ATRIP: variants seen among roughly 807,000 people sequenced by gnomAD.
ATRIP encodes ATR-interacting protein.
In ATRIP, 44 loss-of-function variants were observed where a neutral mutation model predicts 78.1. The ratio of observed to expected loss-of-function variants is 0.56; its 90% CI spans 0.44 to 0.72. The LOEUF is 0.72. ATRIP is among the 30% of genes least tolerant of loss of function. The pLI, the probability that ATRIP is intolerant of heterozygous loss-of-function variation, is 0.00. For synonymous variants in ATRIP, 388 were observed against 408.9 expected (o/e 0.95, Z 0.62); for missense variants, 927 against 980.2 (o/e 0.95, Z 0.72).
At chr3:48,459,260 A>C in intron 5 of ATRIP, 99 bp from the exon 6 acceptor site, 1 of 984,070 alleles carries the variant, frequency 1.0e-6, no homozygotes, top group Admixed American at 2.1e-5. Flanking sequence ...AGTTCGAAGA[A>C]GTAGAACAGC....
In ATRIP at chr3:48,446,759, G is replaced by T. The variant is rs1478923109; in HGVS notation, c.-87G>T. ...GGCACTCGCGGCGGAGGCAAGCGGC[G>T]GCGCGCGGACGGTTGGTCCAGTTCT... On this transcript the variant is annotated 5_prime_UTR_variant, in exon 1 of 13. Coordinates refer to ENST00000320211, the MANE Select transcript of ATRIP (RefSeq NM_130384.3). 1.1e-5 allele frequency: 14 copies of T among 1,319,822 alleles called. No homozygotes were observed. Among genetic ancestry groups the T allele is most frequent in the Non-Finnish European group, 1.4e-5 (14 of 1,032,358 alleles). The allele number at this position is 1,319,822 out of a possible 1,614,324, so 81.8% of individuals were successfully genotyped here.
At chr3:48,459,152 C>T (rs973849024) in intron 5 of ATRIP, among the ~76,000 whole-genome samples, 1 of 152,298 alleles carries the variant, frequency 6.6e-6, no homozygotes, top group South Asian at 2.1e-4. Flanking sequence ...AGGCAAACAG[C>T]TTGATTTTCT....
rs979518675 is a variant in ATRIP at position 48,466,258 on chromosome 3, C to T, written c.*704C>T. 4.1e-5 allele frequency: 25 copies of T among 614,008 alleles called. No individual in the cohort carries two copies. Among genetic ancestry groups the T allele is most frequent in the African/African-American group, 1.3e-4 (7 of 54,530 alleles). The allele number at this position is 614,008 out of a possible 1,614,324, so 38.0% of individuals were successfully genotyped here. The stretch of plus-strand genomic sequence containing the variant: ...TCCCGCCACTGCTGCCAGCGAGAGC[C>T]GCGGGAGAGTGTGCAGCCGAGTCAC... On this transcript the variant is annotated 3_prime_UTR_variant, in exon 13 of 13. Transcript: ENST00000320211.
intron 10 of ATRIP, 138 bp from the exon 11 acceptor site, chr3:48,464,444 T>A (rs2040210321): frequency 3.0e-6 from 3 of 1,011,804 alleles, no homozygotes; most frequent in Middle Eastern, 2.1e-4. Context: ...CCTGGGAAGG[T>A]CCCACACCAC....
chr3:48,448,630 C>T (rs2039749834), intron 1 of ATRIP, among the ~76,000 whole-genome samples: 1 of 152,268 alleles, frequency 6.6e-6, no homozygotes. Context: ...TGAATTCTCT[C>T]TGCTTCTTTA....
In ATRIP at chr3:48,451,772, T is replaced by G. The variant is rs1204508412; in HGVS notation, c.425T>G (p.Ile142Ser). The G allele has an allele frequency of 6.2e-7, 1 of 1,606,452 alleles. No individual in the cohort carries two copies. Residue 142 changes from isoleucine to serine, a missense_variant, in exon 3 of 13, where the codon ATT (isoleucine) becomes AGT (serine). Transcript: ENST00000320211. ...EEEVLIKNGE[I>S]KILRDSLHQT... ...GAAGTTCTCATTAAGAATGGAGAAATTAAAATTTTGCGAGACTCACTACAT... is the reference window on the plus strand; with the variant it reads ...GAAGTTCTCATTAAGAATGGAGAAAGTAAAATTTTGCGAGACTCACTACAT...
At chr3:48,454,169 C>T (rs981634241) in intron 3 of ATRIP, 131 bp from the exon 4 acceptor site, 3 of 625,944 alleles carry the variant, frequency 4.8e-6, no homozygotes, top group African/African-American at 1.8e-5. Context: ...TATTTTAGGA[C>T]ATTTATGTCA....
chr3:48,452,496 A>G (rs2039858684), intron 3 of ATRIP, among the ~76,000 whole-genome samples: 1 of 152,116 alleles, frequency 6.6e-6, no homozygotes, highest in African/African-American at 2.4e-5. Flanking sequence ...AGCCTGGGCA[A>G]CTAGTGAGAC....
intron 8 of ATRIP, chr3:48,461,483 A>G (rs2040111273): frequency 6.6e-6 from 1 of 152,164 alleles, no homozygotes; most frequent in African/African-American, 2.4e-5. Context: ...CTGGCTGAAT[A>G]TATCTTAAAT....
At chr3:48,464,187 A>C in intron 10 of ATRIP, 55 bp downstream of exon 10, 6 of 1,405,520 alleles carry the variant, frequency 4.3e-6, no homozygotes, top group Non-Finnish European at 6.0e-6. Flanking sequence ...CTAAGAACCA[A>C]CAGAATCTCC....
At chr3:48,447,383 GA>G in intron 1 of ATRIP, 1 of 1,089,240 alleles carries the variant, frequency 9.2e-7, no homozygotes, top group Admixed American at 5.3e-5. Context: ...GAGATCCTTG[GA>G]ACACACCTAC....
chr3:48,467,524 C>T lies in ATRIP; in HGVS notation c.*1970C>T, dbSNP rs148833270. On this transcript the variant is annotated 3_prime_UTR_variant, in exon 13 of 13. Transcript: ENST00000320211. ...CTATCCAGGGAGGGGCTGCTGGCCC[C>T]ACTGGGTCTGCTGGCCATCCTGACC... The T allele has an allele frequency of 4.1e-5, 66 of 1,613,578 alleles. No homozygotes were observed. Among genetic ancestry groups the T allele is most frequent in the South Asian group, 1.9e-4 (17 of 91,042 alleles).
intron 2 of ATRIP, among the ~76,000 whole-genome samples, chr3:48,451,013 A>T (rs940113106): frequency 6.6e-6 from 1 of 151,358 alleles, no homozygotes; most frequent in Non-Finnish European, 1.5e-5. Context: ...ACATGGTGAA[A>T]ACCCGTCTCT....
intron 5 of ATRIP, 131 bp from the exon 6 acceptor site, chr3:48,459,228 G>A (rs2040032648): frequency 1.0e-5 from 7 of 685,432 alleles, no homozygotes; most frequent in African/African-American, 1.8e-5. Context: ...CTCTTGAGCC[G>A]CTTTGGCTCT....
Position 48,460,487 on chromosome 3 carries a change from C to T in ATRIP, c.1433C>T (p.Ala478Val). Residue 478 changes from alanine to valine, a missense_variant, in exon 8 of 13, where the codon GCA becomes GTA. Physicochemically the swap from Ala to Val is moderately conservative, Grantham distance 64 (BLOSUM62 0). Coordinates refer to ENST00000320211, the MANE Select transcript of ATRIP (RefSeq NM_130384.3). ...VCILEGFSVTALSILQHLVCH... is the reference protein window; with the variant it reads ...VCILEGFSVTVLSILQHLVCH... The stretch of plus-strand genomic sequence containing the variant: ...ATCCTGGAAGGCTTCTCTGTGACTG[C>T]ACTTAGCATTCTTCAGCACCTGGTG... The T allele has an allele frequency of 1.2e-6, 2 of 1,611,644 alleles. No homozygotes were observed. The highest frequency in any genetic ancestry group is 1.7e-4 in the Middle Eastern group (1 of 6,054).
At chr3:48,462,709 A>C (rs1056982843) in intron 8 of ATRIP, among the ~76,000 whole-genome samples, 2 of 152,214 alleles carry the variant, frequency 1.3e-5, no homozygotes, top group African/African-American at 4.8e-5. Context: ...TTTCAAAAAA[A>C]AAAAGTTCTT....
At chr3:48,455,281 TAAGAC>T (rs2039928222) in intron 4 of ATRIP, among the ~76,000 whole-genome samples, 1 of 152,140 alleles carries the variant, frequency 6.6e-6, no homozygotes, top group Non-Finnish European at 1.5e-5. Context: ...ATTGTCCACA[TAAGAC>T]AAGAGAACTG....
rs184350821 is a variant in ATRIP, at chr3:48,451,301, G to A, written c.382-428G>A. ...ACCCAAGAGTTCAAGACCAGCCTGG[G>A]CAATACAATGAGACCCTGTCTCTAC... On this transcript the variant is annotated intron_variant, in intron 2 of 12. Transcript: ENST00000320211. 1.4e-3 allele frequency among the ~76,000 whole-genome samples: 215 copies of A among 152,242 alleles called. 3 individuals carry two copies. The highest frequency in any genetic ancestry group is 5.1e-3 in the African/African-American group (210 of 41,532).
intron 10 of ATRIP, among the ~76,000 whole-genome samples, 178 bp from the exon 11 acceptor site, chr3:48,464,404 G>A (rs2040208652): frequency 6.6e-6 from 1 of 152,184 alleles, no homozygotes; most frequent in African/African-American, 2.4e-5. Context: ...TGGGTTGCTG[G>A]TGACACATGA....
Sources: gnomAD v4.1 joint callset for allele counts (sites outside exome capture counted in the v4.1 genomes callset) on GRCh38, gnomAD v4.1.1 for gene constraint, MANE v1.5 for transcripts, NCBI Gene and HGNC (gene_info 2026-07-23, HGNC 2026-07-21) for gene names.